PACSIN3: variants seen among roughly 807,000 people sequenced by gnomAD.
PACSIN3 encodes protein kinase C and casein kinase substrate in neurons 3.
In PACSIN3, 34 loss-of-function variants were observed where a neutral mutation model predicts 56.1. The observed-to-expected ratio is 0.61, with a 90% CI of 0.46 to 0.81. PACSIN3 has a LOEUF of 0.81. Among genes scored for constraint, PACSIN3 ranks in the 30% least tolerant of loss-of-function variants. The pLI, the probability that PACSIN3 is intolerant of heterozygous loss-of-function variation, is 0.00. For synonymous variants in PACSIN3, 218 were observed against 229.8 expected (o/e 0.95, Z 0.46); for missense variants, 535 against 592.4 (o/e 0.90, Z 1.01).
rs767734028 is a variant in PACSIN3, at chr11:47,182,688, C to T, written c.40G>A (p.Gly14Ser). Residue 14 changes from glycine (G) to serine (S), a missense_variant, in exon 3 of 11, where the codon GGC becomes AGC. By Grantham distance (56) the Gly-to-Ser change is moderately conservative. Coordinates refer to ENST00000298838, the MANE Select transcript of PACSIN3 (RefSeq NM_016223.5). Reference sequence around the variant, plus strand: ...CAGCTGCTCACCTCCCAGAAACTGCCCCCTAAGGCCTCCCCTCCAGCGTCC... The same window carrying T: ...CAGCTGCTCACCTCCCAGAAACTGCTCCCTAAGGCCTCCCCTCCAGCGTCC... Reference protein sequence around the residue: ...EEDAGGEALGGSFWEAGNYRR... With the variant: ...EEDAGGEALGSSFWEAGNYRR... 1 of 1,612,386 alleles carries T rather than the reference C, an allele frequency of 6.2e-7. No individual in the cohort carries two copies. Among genetic ancestry groups the T allele is most frequent in the South Asian group, 1.1e-5 (1 of 90,712 alleles).
In PACSIN3 at chr11:47,180,290, C is replaced by T. The variant is rs776137905; in HGVS notation, c.499G>A (p.Ala167Thr). ...TTTGCGTGGCTCTCCCTCGTCTGGG[C>T]GGTCTTCTCATCCTTCCGGGCTGCG... Reference protein sequence around the residue: ...YHAARKDEKTAQTRESHAKAD... With the variant: ...YHAARKDEKTTQTRESHAKAD... Residue 167 changes from alanine to threonine, a missense_variant, in exon 6 of 11, where the codon GCC becomes ACC. Coordinates refer to ENST00000298838, the MANE Select transcript of PACSIN3 (RefSeq NM_016223.5). The T allele has an allele frequency of 2.5e-5, 40 of 1,603,004 alleles. No individual in the cohort carries two copies. The highest frequency in any genetic ancestry group is 6.7e-5 in the East Asian group (3 of 44,888).
chr11:47,181,517 T>C (rs7940240), intron 4 of PACSIN3, among the ~76,000 whole-genome samples: 110,658 of 151,990 alleles, frequency 0.73, 40,728 homozygotes, highest in Middle Eastern at 0.77. Flanking sequence ...CAGGCCCAGG[T>C]GCGGTGGCTC....
At chr11:47,185,452 C>T (rs1953102347) in intron 1 of PACSIN3, 1 of 148,820 alleles carries the variant, frequency 6.7e-6, no homozygotes, top group African/African-American at 2.6e-5. Flanking sequence ...GATTTGAGGA[C>T]AGAGCGGGGG....
In PACSIN3 at chr11:47,180,558, C is replaced by T. The variant is rs528940960; in HGVS notation, c.344G>A (p.Arg115Gln). ...QDSERVRAWQRGAFHRPVLGG... is the reference protein window; with the variant it reads ...QDSERVRAWQQGAFHRPVLGG... ...CAGCACAGGCCGGTGGAAAGCCCCC[C>T]GCTGCCAGGCGCGCACCCGCTCACT... The change falls in exon 5 of 11, where the codon CGG (arginine) becomes CAG (glutamine). Residue 115 changes from arginine to glutamine, a missense_variant. Coordinates refer to ENST00000298838, the MANE Select transcript of PACSIN3 (RefSeq NM_016223.5). 61 of 1,603,750 alleles carry T rather than the reference C, an allele frequency of 3.8e-5. No individual in the cohort carries two copies. Among genetic ancestry groups the T allele is most frequent in the East Asian group, 1.3e-4 (6 of 44,866 alleles).
In PACSIN3 at chr11:47,179,794, G is replaced by A. The variant is rs977334544; in HGVS notation, c.604-208C>T. ...CACAGCATATAAAAGAGTCTGGTGA[G>A]GATTGAAATGAGGTCAACCTACAGG... On this transcript the variant is annotated intron_variant, in intron 6 of 10. Transcript: ENST00000298838. The surrounding 1 kb of genome is among the most constrained non-coding windows in gnomAD (Gnocchi z 4.4). The A allele has an allele frequency of 2.4e-5, 14 of 583,260 alleles. No individual in the cohort carries two copies. The highest frequency in any genetic ancestry group is 1.2e-4 in the Admixed American group (4 of 32,318). 36.1% of individuals were successfully genotyped at this position (583,260 alleles called of 1,614,324 possible).
At position 47,182,994 on chromosome 11, in the gene PACSIN3, C is replaced by G. The variant is rs1953057885; in HGVS notation, c.-38+10G>C. On this transcript the variant is annotated intron_variant, in intron 2 of 10. Coordinates refer to ENST00000298838, the MANE Select transcript of PACSIN3 (RefSeq NM_016223.5). The stretch of plus-strand genomic sequence containing the variant: ...CTGCTCTGCACTTCCCCCCCCGCCC[C>G]CCCACATACCTGGGGCCTAGAGATC... 1 of 422,570 alleles carries G rather than the reference C, an allele frequency of 2.4e-6. No individual in the cohort carries two copies. Among genetic ancestry groups the G allele is most frequent in the East Asian group, 4.0e-5 (1 of 25,150 alleles). 26.2% of individuals were successfully genotyped at this position (422,570 alleles called of 1,614,324 possible).
chr11:47,178,602 G>T lies in PACSIN3; in HGVS notation c.1038-115C>A. 7.4e-7 allele frequency: 1 copy of T among 1,357,330 alleles called. No homozygotes were observed. The highest frequency in any genetic ancestry group is 1.0e-6 in the Non-Finnish European group (1 of 1,003,484). 84.1% of individuals were successfully genotyped at this position (1,357,330 alleles called of 1,614,324 possible). A position where few individuals can be genotyped will look rare whatever the true frequency, so the allele number is the denominator to read the frequency against. On this transcript the variant is annotated intron_variant, in intron 9 of 10. Transcript: ENST00000298838. The surrounding 1 kb of genome is among the most constrained non-coding windows in gnomAD (Gnocchi z 4.2). The stretch of plus-strand genomic sequence containing the variant: ...CCCCAGAGGCACCTGGGAGAGTCAG[G>T]TGAGGTACTAAAGATTCTAGCTCTA...
chr11:47,183,267 C>T (rs1271518469), intron 1 of PACSIN3, 198 bp from the exon 2 acceptor site: 2 of 152,608 alleles, frequency 1.3e-5, no homozygotes, highest in African/African-American at 4.8e-5. Flanking sequence ...CCCCCAACTG[C>T]CGATGAGAGG....
chr11:47,178,848 G>A lies in PACSIN3; in HGVS notation c.1037+46C>T. ...ACCAAGGAGAAAGGAAAGGAGGGCG[G>A]GAGGCAGAGCTGTTTCTTTGCCACA... On this transcript the variant is annotated intron_variant, in intron 9 of 10. Transcript: ENST00000298838. This position sits in a 1 kb window ranked among gnomAD's most constrained non-coding sequence, Gnocchi z 4.2. The A allele has an allele frequency of 6.2e-7, 1 of 1,607,968 alleles. No homozygotes were observed. Among genetic ancestry groups the A allele is most frequent in the Non-Finnish European group, 8.5e-7 (1 of 1,176,990 alleles).
rs766490060 is a variant in PACSIN3, at chr11:47,179,158, C to G, written c.900+1G>C. 1 of 1,613,728 alleles carries G rather than the reference C, an allele frequency of 6.2e-7. No homozygotes were observed. The highest frequency in any genetic ancestry group is 8.5e-7 in the Non-Finnish European group (1 of 1,180,028). ...ATCCCCACCCCGCCTGGAACACATG[C>G]CTCGAACTGTGGCCAGTTCATGGCC... On this transcript the variant is annotated splice_donor_variant, in intron 8 of 10. Transcript: ENST00000298838. LOFTEE classifies it high-confidence loss of function. The surrounding 1 kb of genome is among the most constrained non-coding windows in gnomAD (Gnocchi z 4.4).
rs373728641 is a variant in PACSIN3 at position 47,178,847 on chromosome 11, G to A, written c.1037+47C>T. The stretch of plus-strand genomic sequence containing the variant: ...AACCAAGGAGAAAGGAAAGGAGGGC[G>A]GGAGGCAGAGCTGTTTCTTTGCCAC... On this transcript the variant is annotated intron_variant, in intron 9 of 10. Transcript: ENST00000298838. The surrounding 1 kb of genome is among the most constrained non-coding windows in gnomAD (Gnocchi z 4.2). The A allele has an allele frequency of 4.8e-5, 77 of 1,607,128 alleles. No individual in the cohort carries two copies. The highest frequency in any genetic ancestry group is 1.1e-4 in the East Asian group (5 of 44,788).
At chr11:47,184,216 G>A (rs1953079867) in intron 1 of PACSIN3, 1 of 152,428 alleles carries the variant, frequency 6.6e-6, no homozygotes, top group Non-Finnish European at 1.5e-5. Flanking sequence ...AGGCCCAAGG[G>A]ACACAGCCAG....
In PACSIN3 at chr11:47,178,778, C is replaced by G. The variant is rs902961228; in HGVS notation, c.1037+116G>C. The G allele has an allele frequency of 8.0e-7, 1 of 1,243,092 alleles. No homozygotes were observed. The highest frequency in any genetic ancestry group is 1.5e-5 in the African/African-American group (1 of 67,096). 77.0% of individuals were successfully genotyped at this position (1,243,092 alleles called of 1,614,324 possible). On this transcript the variant is annotated intron_variant, in intron 9 of 10. Transcript: ENST00000298838. The surrounding 1 kb of genome is among the most constrained non-coding windows in gnomAD (Gnocchi z 4.2). ...ACAACTACTAAGTAGGCCCTCAGGTCCCTGGCACCAATTTTCAACCCATTT... is the reference window on the plus strand; with the variant it reads ...ACAACTACTAAGTAGGCCCTCAGGTGCCTGGCACCAATTTTCAACCCATTT...
In PACSIN3 at chr11:47,178,273, C is replaced by T. The variant is rs868026055; in HGVS notation, c.1159+93G>A. On this transcript the variant is annotated intron_variant, in intron 10 of 10. Coordinates refer to ENST00000298838, the MANE Select transcript of PACSIN3 (RefSeq NM_016223.5). This position sits in a 1 kb window ranked among gnomAD's most constrained non-coding sequence, Gnocchi z 4.2. ...AACAGCTGAAGGGACAGAGGACTGG[C>T]CCTTAAGAAGTGGGTATTTGGCTTC... 1.2e-5 allele frequency: 18 copies of T among 1,502,990 alleles called. No individual in the cohort carries two copies. The Middle Eastern group carries it at 3.1e-3, about 262-fold the overall frequency. The allele number at this position is 1,502,990 out of a possible 1,614,324, so 93.1% of individuals were successfully genotyped here.
In PACSIN3 at chr11:47,182,729, G is replaced by A. The variant is rs1411293331; in HGVS notation, c.-2C>T. ...TCCAGCGTCCTCTTCTGGAGCCATGGTGTCCCCGCAGCACGGAATGGTGGC... is the reference window on the plus strand; with the variant it reads ...TCCAGCGTCCTCTTCTGGAGCCATGATGTCCCCGCAGCACGGAATGGTGGC... On this transcript the variant is annotated 5_prime_UTR_variant, in exon 3 of 11. Coordinates refer to ENST00000298838, the MANE Select transcript of PACSIN3 (RefSeq NM_016223.5). 4.3e-6 allele frequency: 7 copies of A among 1,611,808 alleles called. No homozygotes were observed. The highest frequency in any genetic ancestry group is 4.0e-5 in the African/African-American group (3 of 74,842).
chr11:47,178,984 C>T lies in PACSIN3; in HGVS notation c.947G>A (p.Gly316Asp). 6.2e-7 allele frequency: 1 copy of T among 1,614,144 alleles called. No homozygotes were observed. The highest frequency in any genetic ancestry group is 8.5e-7 in the Non-Finnish European group (1 of 1,180,038). Residue 316 changes from glycine to aspartate, a missense_variant, in exon 9 of 11, where the codon GGT becomes GAT. Gly to Asp is a moderately conservative substitution (Grantham distance 94, BLOSUM62 -1). Coordinates refer to ENST00000298838, the MANE Select transcript of PACSIN3 (RefSeq NM_016223.5). The surrounding 1 kb of genome is among the most constrained non-coding windows in gnomAD (Gnocchi z 4.2). Reference protein sequence around the residue: ...TQRTISRKEKGGRSPDEVTLT... With the variant: ...TQRTISRKEKDGRSPDEVTLT... ...GGTAACCTCATCAGGGCTCCGGCCA[C>T]CCTTCTCTTTCCGGCTGATTGTCCT...
chr11:47,180,948 G>A (rs1466841372), intron 4 of PACSIN3, among the ~76,000 whole-genome samples: 5 of 152,190 alleles, frequency 3.3e-5, no homozygotes, highest in South Asian at 2.1e-4. Context: ...ATGTGAACTC[G>A]CCCAAAGCAT....
At chr11:47,185,688 G>A (rs964769408) in intron 1 of PACSIN3, 4 of 152,398 alleles carry the variant, frequency 2.6e-5, no homozygotes. Context: ...CCGAACCCCA[G>A]CCTCCACTCC....
intron 6 of PACSIN3, among the ~76,000 whole-genome samples, 162 bp downstream of exon 6, chr11:47,180,023 CT>C (rs890956349): frequency 3.3e-5 from 5 of 152,204 alleles, no homozygotes; most frequent in African/African-American, 1.2e-4. Flanking sequence ...AAAGCATCAC[CT>C]TTTGTCAGGT....
Sources: allele counts gnomAD v4.1 joint callset (sites outside exome capture counted in the v4.1 genomes callset), GRCh38; gene constraint gnomAD v4.1.1; non-coding constraint Gnocchi (gnomAD v3.1); transcripts MANE v1.5; gene names NCBI Gene and HGNC (gene_info 2026-07-23, HGNC 2026-07-21).